The following POLR3A variants were observed in gnomAD, a reference collection of about 807,000 sequenced individuals.
POLR3A encodes DNA-directed RNA polymerase III subunit RPC1.
In POLR3A, 112 loss-of-function variants were observed where a neutral mutation model predicts 152.8. The ratio of observed to expected loss-of-function variants is 0.73; its 90% CI spans 0.63 to 0.86. POLR3A has a LOEUF of 0.86. POLR3A is among the 40% of genes least tolerant of loss of function. The pLI is 0.00. For missense variants in POLR3A, 1,385 were observed against 1,743.1 expected (o/e 0.79, Z 3.66); for synonymous variants, 615 against 652.1 (o/e 0.94, Z 0.87).
At chr10:78,025,895 T>C in intron 2 of POLR3A, 136 bp from the exon 3 acceptor site, 3 of 1,139,136 alleles carry the variant, frequency 2.6e-6, no homozygotes, top group South Asian at 2.5e-5. Context: ...CTTCCTACTG[T>C]TTTTCTTTCT....
chr10:78,001,030 T>A lies in POLR3A; in HGVS notation c.2424A>T (p.Arg808=). The change falls in exon 18 of 31, where the codon CGA becomes CGT. Residue 808 remains arginine (R), a synonymous_variant. Transcript: ENST00000372371. ...ACCTGTTTTCAAAGCCGTCTGGCAC[T>A]CGAGAGCCACTGATGGCCTGCTGTC... The part of the protein sequence containing the change: ...CVGQQAISGS[R]VPDGFENRSL... 6.2e-7 allele frequency: 1 copy of A among 1,612,790 alleles called. No homozygotes were observed. Among genetic ancestry groups the A allele is most frequent in the Non-Finnish European group, 8.5e-7 (1 of 1,178,974 alleles).
At chr10:78,014,626 A>T (rs1847501679) in intron 10 of POLR3A, among the ~76,000 whole-genome samples, 1 of 152,030 alleles carries the variant, frequency 6.6e-6, no homozygotes, top group African/African-American at 2.4e-5. Flanking sequence ...ATTGGTCTAG[A>T]ACTCCTGACC....
At position 77,977,058 on chromosome 10, in the gene POLR3A, C is replaced by T. The variant is rs1847095856; in HGVS notation, c.*420G>A. 1 of 183,950 alleles carries T rather than the reference C, an allele frequency of 5.4e-6. No homozygotes were observed. Among genetic ancestry groups the T allele is most frequent in the African/African-American group, 2.3e-5 (1 of 42,580 alleles). The allele number at this position is 183,950 out of a possible 1,614,324, so 11.4% of individuals were successfully genotyped here. ...CCAGCATGACCAAGGAATGGAAAAT[C>T]CAAGAATGTGCCCTGGCCTGTGTGG... On this transcript the variant is annotated 3_prime_UTR_variant, in exon 31 of 31. Coordinates refer to ENST00000372371, the MANE Select transcript of POLR3A (RefSeq NM_007055.4).
chr10:78,002,130 A>G (rs1589310366), intron 17 of POLR3A, 67 bp downstream of exon 17: 2 of 917,672 alleles, frequency 2.2e-6, no homozygotes, highest in East Asian at 2.6e-5. Flanking sequence ...TGACTATCAC[A>G]TTTTCTGGAG....
At chr10:78,001,810 T>G (rs1247891316) in intron 17 of POLR3A, among the ~76,000 whole-genome samples, 1 of 152,092 alleles carries the variant, frequency 6.6e-6, no homozygotes, top group African/African-American at 2.4e-5. Context: ...TAATTTTTTT[T>G]TTTTTGTATT....
chr10:78,020,459 C>T (rs889082014), intron 8 of POLR3A, among the ~76,000 whole-genome samples: 9 of 151,580 alleles, frequency 5.9e-5, no homozygotes, highest in East Asian at 1.9e-4. Context: ...CACTGCACTT[C>T]GGCCTGGGTG....
intron 15 of POLR3A, among the ~76,000 whole-genome samples, chr10:78,007,291 G>GCAAA (rs969575544): frequency 4.6e-5 from 7 of 152,108 alleles, no homozygotes; most frequent in East Asian, 1.9e-4. Context: ...CAAAGCATGA[G>GCAAA]CAAACAAACA....
chr10:78,015,547 C>T (rs1363925795), intron 10 of POLR3A, among the ~76,000 whole-genome samples: 2 of 152,082 alleles, frequency 1.3e-5, no homozygotes, highest in African/African-American at 4.8e-5. Context: ...AGGCTGGTCT[C>T]GAACTCCTGA....
At chr10:78,024,111 C>A (rs1847606647) in intron 5 of POLR3A, among the ~76,000 whole-genome samples, 1 of 152,132 alleles carries the variant, frequency 6.6e-6, no homozygotes, top group Admixed American at 6.5e-5. Context: ...TACCTGTAAT[C>A]TTAGCACTTT....
intron 21 of POLR3A, among the ~76,000 whole-genome samples, chr10:77,989,909 A>G (rs980781292): frequency 1.3e-5 from 2 of 152,238 alleles, no homozygotes; most frequent in African/African-American, 4.8e-5. Flanking sequence ...CAGCCTTGCC[A>G]CACTCTTGAT....
chr10:78,018,522 C>T (rs1435927976), intron 9 of POLR3A, among the ~76,000 whole-genome samples: 1 of 151,714 alleles, frequency 6.6e-6, no homozygotes, highest in Non-Finnish European at 1.5e-5. Context: ...AAGACATATC[C>T]TAATTTTAGA....
chr10:78,010,022 A>C (rs771160409), intron 12 of POLR3A, 31 bp from the exon 13 acceptor site: 1 of 1,612,656 alleles, frequency 6.2e-7, no homozygotes, highest in South Asian at 1.1e-5. Flanking sequence ...CAAAACAAAG[A>C]AAAGGAATGA....
chr10:77,985,102 CG>C, intron 24 of POLR3A, 67 bp downstream of exon 24: 1 of 1,280,976 alleles, frequency 7.8e-7, no homozygotes, highest in Non-Finnish European at 1.1e-6. Context: ...GCATGTGACA[CG>C]GGGATCATTG....
At chr10:78,006,127 T>C (rs896110053) in intron 15 of POLR3A, among the ~76,000 whole-genome samples, 1 of 152,110 alleles carries the variant, frequency 6.6e-6, no homozygotes, top group African/African-American at 2.4e-5. Flanking sequence ...CTGGGCATAG[T>C]GGCTCACGCC....
Position 78,009,928 on chromosome 10 carries a change from G to C in POLR3A, c.1706C>G (p.Ala569Gly), listed in dbSNP as rs1231075136. ...CTCATCCTTGCCAACCAGTATTGAA[G>C]CAATGATTTGGCAAGCCTTGGCTCG... ...FDRAKACQII[A>G]SILVGKDEKI... The change falls in exon 13 of 31, where the codon GCT becomes GGT. Residue 569 changes from alanine to glycine, a missense_variant. This residue lies in a region of POLR3A where 188 missense variants were observed against 179.9 expected (regional missense o/e 1.04). Transcript: ENST00000372371. 1.2e-6 allele frequency: 2 copies of C among 1,614,076 alleles called. No individual in the cohort carries two copies. The highest frequency in any genetic ancestry group is 2.7e-5 in the African/African-American group (2 of 74,912).
chr10:78,009,152 C>CAAAAAA (rs59670962), intron 14 of POLR3A, among the ~76,000 whole-genome samples: 1 of 33,000 alleles, frequency 3.0e-5, no homozygotes, highest in Non-Finnish European at 8.7e-5. Flanking sequence ...GACTTAGTCT[C>CAAAAAA]AAAAAAAAAA....
chr10:78,022,990 T>C (rs780464631), intron 5 of POLR3A, among the ~76,000 whole-genome samples: 4 of 152,116 alleles, frequency 2.6e-5, no homozygotes, highest in Admixed American at 6.6e-5. Flanking sequence ...AAACCTCGTC[T>C]CTACTAAAAA....
chr10:78,013,789 G>C lies in POLR3A; in HGVS notation c.1433C>G (p.Ala478Gly), dbSNP rs946655603. The change falls in exon 11 of 31, where the codon GCC (alanine) becomes GGC (glycine). Residue 478 changes from alanine to glycine, a missense_variant and splice_region_variant. By Grantham distance (60) the Ala-to-Gly change is moderately conservative. Transcript: ENST00000372371. The part of the protein sequence containing the change: ...LHKLSIMAHL[A>G]RVKPHRTFRF... ...GAAGGTCCGGTGGGGCTTGACCCTG[G>C]CCTGTGGAACACAAAACAAAACAAA... The C allele has an allele frequency of 6.2e-7, 1 of 1,614,130 alleles. No homozygotes were observed. The highest frequency in any genetic ancestry group is 8.5e-7 in the Non-Finnish European group (1 of 1,180,016).
rs1459663967 is a variant in POLR3A, at chr10:78,004,644, CA to C, written c.2247+71del. On this transcript the variant is annotated intron_variant, in intron 16 of 30. Coordinates refer to ENST00000372371, the MANE Select transcript of POLR3A (RefSeq NM_007055.4). ...TGCTACCTCTATTCATGGCTCAGCA[CA>C]ACCCCAGAGAGCACCACCGTAGCCA... 9 of 1,256,682 alleles carry C rather than the reference CA, an allele frequency of 7.2e-6. No individual in the cohort carries two copies. The Admixed American group carries it at 1.3e-4, about 18-fold the overall frequency. The allele number at this position is 1,256,682 out of a possible 1,614,324, so 77.8% of individuals were successfully genotyped here.
Sources: allele counts gnomAD v4.1 joint callset (sites outside exome capture counted in the v4.1 genomes callset), GRCh38; gene constraint gnomAD v4.1.1; regional missense constraint gnomAD v4.1.1; transcripts MANE v1.5; gene names NCBI Gene and HGNC (gene_info 2026-07-23, HGNC 2026-07-21).